Variants in TMOD3 observed in about 807,000 individuals in gnomAD.
The protein encoded by TMOD3 is tropomodulin-3.
In TMOD3, 20 loss-of-function variants were observed where a neutral mutation model predicts 39.2. The ratio of observed to expected loss-of-function variants is 0.51; its 90% CI spans 0.36 to 0.74. TMOD3 has a LOEUF of 0.74. Among genes scored for constraint, TMOD3 ranks in the 30% least tolerant of loss-of-function variants. TMOD3 has a pLI of 0.00. For missense variants in TMOD3, 381 were observed against 412.8 expected, an observed-to-expected ratio of 0.92 and a Z score of 0.67; for synonymous variants, 143 against 145.8, an observed-to-expected ratio of 0.98 and a Z score of 0.14.
intron 7 of TMOD3, among the ~76,000 whole-genome samples, chr15:51,897,588 G>A (rs1389400407): frequency 6.7e-6 from 1 of 148,288 alleles, no homozygotes. Flanking sequence ...GGGTTCAAGC[G>A]ATTCTCCTGC....
At chr15:51,877,974 C>G (rs1253697148) in intron 3 of TMOD3, among the ~76,000 whole-genome samples, 1 of 152,162 alleles carries the variant, frequency 6.6e-6, no homozygotes, top group African/African-American at 2.4e-5. Flanking sequence ...GTGTGACCCT[C>G]TGCACAACTC....
chr15:51,889,229 T>A, intron 5 of TMOD3, 84 bp downstream of exon 5: 1 of 832,502 alleles, frequency 1.2e-6, no homozygotes. Flanking sequence ...AGTGTTCACA[T>A]ACTAGATGTT....
At chr15:51,856,029 G>A (rs571699471) in intron 1 of TMOD3, among the ~76,000 whole-genome samples, 2 of 152,288 alleles carry the variant, frequency 1.3e-5, no homozygotes, top group South Asian at 2.1e-4. Context: ...TTAGGAGGTC[G>A]AGGCAGACAG....
chr15:51,883,051 A>G (rs1338295885), intron 3 of TMOD3, among the ~76,000 whole-genome samples: 1 of 152,218 alleles, frequency 6.6e-6, no homozygotes, highest in African/African-American at 2.4e-5. Flanking sequence ...AGAAAATATG[A>G]AGTAATTACT....
intron 3 of TMOD3, chr15:51,874,902 C>T (rs2056493915): frequency 6.6e-6 from 1 of 152,370 alleles, no homozygotes; most frequent in Non-Finnish European, 1.5e-5. Context: ...CACTCCTTTT[C>T]TTCCTGCTGG....
intron 5 of TMOD3, among the ~76,000 whole-genome samples, chr15:51,892,784 A>G (rs1466928644): frequency 1.3e-5 from 2 of 152,198 alleles, no homozygotes; most frequent in Admixed American, 6.5e-5. Flanking sequence ...AAATGATGAG[A>G]TGCTAGATTT....
intron 1 of TMOD3, among the ~76,000 whole-genome samples, chr15:51,837,665 G>T (rs2056293251): frequency 6.6e-6 from 1 of 152,050 alleles, no homozygotes; most frequent in African/African-American, 2.4e-5. Flanking sequence ...AGGCCTTCGG[G>T]GCAGGTGGGC....
intron 1 of TMOD3, among the ~76,000 whole-genome samples, chr15:51,840,102 A>G (rs930007845): frequency 1.3e-5 from 2 of 152,212 alleles, no homozygotes; most frequent in African/African-American, 4.8e-5. Context: ...TATGGTGGAA[A>G]TAGATTGTGG....
intron 5 of TMOD3, among the ~76,000 whole-genome samples, chr15:51,891,441 T>A (rs1178300419): frequency 1.3e-5 from 2 of 152,176 alleles, no homozygotes; most frequent in African/African-American, 4.8e-5. Context: ...GCAAGAATGC[T>A]TCATGGGTGG....
At chr15:51,896,908 T>G (rs972520779) in intron 7 of TMOD3, among the ~76,000 whole-genome samples, 1 of 152,272 alleles carries the variant, frequency 6.6e-6, no homozygotes, top group Non-Finnish European at 1.5e-5. Context: ...TGGATTTTTG[T>G]TAAATGCTTT....
chr15:51,897,545 C>T (rs141591136), intron 7 of TMOD3, among the ~76,000 whole-genome samples: 4,590 of 137,712 alleles, frequency 0.033, 103 homozygotes, highest in Non-Finnish European at 0.05. Context: ...AGTGCAGTGG[C>T]GCAATCTCGG....
At chr15:51,839,651 ATCC>A (rs2056303943) in intron 1 of TMOD3, among the ~76,000 whole-genome samples, 1 of 151,842 alleles carries the variant, frequency 6.6e-6, no homozygotes, top group Non-Finnish European at 1.5e-5. Context: ...AGCTCAAACA[ATCC>A]TCCTGCCTCA....
In TMOD3 at chr15:51,835,629, C is replaced by G. The variant is rs548066708; in HGVS notation, c.-75+5793C>G. On this transcript the variant is annotated intron_variant, in intron 1 of 9. Coordinates refer to ENST00000308580, the MANE Select transcript of TMOD3 (RefSeq NM_014547.5). ...CAGCCTTAGTTTCCATGTTTCTACTCCATTGTCTATTCCAATCCTTTGTGA... is the reference window on the plus strand; with the variant it reads ...CAGCCTTAGTTTCCATGTTTCTACTGCATTGTCTATTCCAATCCTTTGTGA... Among the ~76,000 whole-genome samples the G allele has an allele frequency of 5.3e-5, 8 of 152,236 alleles. No individual in the cohort carries two copies. The South Asian group carries it at 6.2e-4, about 12-fold the overall frequency.
intron 1 of TMOD3, among the ~76,000 whole-genome samples, chr15:51,836,727 AAAAAAAAAAG>A (rs1157710808): frequency 4.5e-4 from 50 of 111,654 alleles, no homozygotes; most frequent in Admixed American, 1.5e-3. Flanking sequence ...CCGTCTCAAA[AAAAAAAAAAG>A]AAAAAAGAAA....
chr15:51,877,476 G>A (rs1050651241), intron 3 of TMOD3, among the ~76,000 whole-genome samples: 1 of 152,006 alleles, frequency 6.6e-6, no homozygotes, highest in African/African-American at 2.4e-5. Flanking sequence ...TCAGCAGTTC[G>A]ATACCAGCCT....
chr15:51,898,672 A>G (rs1317580502), intron 7 of TMOD3, among the ~76,000 whole-genome samples: 1 of 152,190 alleles, frequency 6.6e-6, no homozygotes, highest in Non-Finnish European at 1.5e-5. Context: ...CAGTTTTTTT[A>G]GTATCTCTAC....
At chr15:51,867,527 GAAAATTATTATGTGTCTCAACAA>G (rs1175643128) in intron 2 of TMOD3, among the ~76,000 whole-genome samples, 1 of 152,180 alleles carries the variant, frequency 6.6e-6, no homozygotes, top group African/African-American at 2.4e-5. Flanking sequence ...TGAATTTTAT[GAAAATTATTATGTGTCTCAACAA>G]ATGACCACAG....
chr15:51,835,656 G>A (rs2056279235), intron 1 of TMOD3, among the ~76,000 whole-genome samples: 1 of 152,096 alleles, frequency 6.6e-6, no homozygotes, highest in South Asian at 2.1e-4. Context: ...CCTTTGTGAT[G>A]CAATTTCTGA....
chr15:51,876,586 C>G (rs947125321), intron 3 of TMOD3, among the ~76,000 whole-genome samples: 2 of 151,762 alleles, frequency 1.3e-5, no homozygotes, highest in East Asian at 1.9e-4. Context: ...CTCAGCCTCC[C>G]GAGTAGCTGG....
Sources: gnomAD v4.1 joint callset for allele counts (sites outside exome capture counted in the v4.1 genomes callset) on GRCh38, gnomAD v4.1.1 for gene constraint, MANE v1.5 for transcripts, NCBI Gene and HGNC (gene_info 2026-07-23, HGNC 2026-07-21) for gene names.